Variants in KIAA1217 observed in about 807,000 individuals in gnomAD.
The protein encoded by KIAA1217 is sickle tail protein homolog.
KIAA1217 carries 88 observed loss-of-function variants against 163.9 expected under a neutral mutation model. The ratio of observed to expected loss-of-function variants is 0.54; its 90% CI spans 0.45 to 0.64. The LOEUF (loss-of-function observed/expected upper bound fraction) is 0.64, where lower values mean the gene tolerates loss of function less well. Among genes scored for constraint, KIAA1217 ranks in the 30% least tolerant of loss-of-function variants. The probability of loss-of-function intolerance (pLI) is 0.00; values close to 1 mark genes in which losing one functional copy is unlikely to be tolerated. For missense variants in KIAA1217, 2,372 were observed against 2,475.0 expected (o/e 0.96, Z 0.88); for synonymous variants, 903 against 923.1 (o/e 0.98, Z 0.39).
intron 2 of KIAA1217, among the ~76,000 whole-genome samples, chr10:24,088,243 T>TA (rs2061774343): frequency 1.1e-5 from 1 of 93,252 alleles, no homozygotes; most frequent in African/African-American, 4.8e-5. Flanking sequence ...CCAGGCTCTG[T>TA]TTTTTTAATA....
intron 1 of KIAA1217, among the ~76,000 whole-genome samples, chr10:23,826,942 T>C (rs2131028959): frequency 6.6e-6 from 1 of 152,280 alleles, no homozygotes; most frequent in Non-Finnish European, 1.5e-5. Context: ...TTTACTGCCC[T>C]TTTATGTAGA....
intron 3 of KIAA1217, among the ~76,000 whole-genome samples, chr10:24,423,727 G>A (rs2058947634): frequency 6.6e-6 from 1 of 152,100 alleles, no homozygotes; most frequent in African/African-American, 2.4e-5. Context: ...GTAGAAATAG[G>A]GTTTCACCGT....
At chr10:23,903,887 A>G (rs997601898) in intron 1 of KIAA1217, among the ~76,000 whole-genome samples, 1 of 152,148 alleles carries the variant, frequency 6.6e-6, no homozygotes, top group South Asian at 2.1e-4. Flanking sequence ...GATTTCATAC[A>G]ATGTCAGCCA....
intron 2 of KIAA1217, among the ~76,000 whole-genome samples, chr10:24,280,715 C>A (rs2132200500): frequency 6.7e-6 from 1 of 150,146 alleles, no homozygotes; most frequent in Non-Finnish European, 1.5e-5. Flanking sequence ...GAGGCTGAAG[C>A]AGGAGAATGC....
intron 1 of KIAA1217, among the ~76,000 whole-genome samples, chr10:23,913,682 C>T (rs546811780): frequency 6.6e-5 from 10 of 152,124 alleles, no homozygotes; most frequent in Non-Finnish European, 1.2e-4. Flanking sequence ...ATAGCACTGT[C>T]CCTCTCGATT....
At chr10:24,236,990 G>T (rs369068111) in intron 2 of KIAA1217, among the ~76,000 whole-genome samples, 1 of 152,120 alleles carries the variant, frequency 6.6e-6, no homozygotes, top group Non-Finnish European at 1.5e-5. Context: ...TTGTTGAAGC[G>T]AATTCAAGAC....
At chr10:24,489,538 CAA>C (rs745874004) in intron 6 of KIAA1217, among the ~76,000 whole-genome samples, 1 of 133,278 alleles carries the variant, frequency 7.5e-6, no homozygotes. Context: ...AGTCTCTAGT[CAA>C]AAAAAAAAAA....
intron 2 of KIAA1217, among the ~76,000 whole-genome samples, chr10:24,295,462 C>T (rs2040478116): frequency 6.6e-6 from 1 of 152,166 alleles, no homozygotes; most frequent in South Asian, 2.1e-4. Flanking sequence ...TGGACTATTT[C>T]AGGAGCCCCT....
intron 1 of KIAA1217, among the ~76,000 whole-genome samples, chr10:23,920,154 T>TTTTG (rs1278493770): frequency 1.3e-5 from 2 of 152,166 alleles, no homozygotes; most frequent in African/African-American, 4.8e-5. Flanking sequence ...ATTTAGGTTT[T>TTTTG]TTTGTTTGTT....
intron 5 of KIAA1217, among the ~76,000 whole-genome samples, chr10:24,462,955 A>G (rs1185567811): frequency 1.3e-5 from 2 of 152,240 alleles, no homozygotes; most frequent in Non-Finnish European, 2.9e-5. Context: ...GGAGCTGTGC[A>G]TAAAAGAACA....
chr10:23,983,159 G>A (rs1223664582), intron 1 of KIAA1217, among the ~76,000 whole-genome samples: 2 of 151,962 alleles, frequency 1.3e-5, no homozygotes, highest in African/African-American at 2.4e-5. Flanking sequence ...TTCTTCTGTT[G>A]GTTAAAGTAC....
At chr10:24,405,339 A>G (rs890150220) in intron 3 of KIAA1217, among the ~76,000 whole-genome samples, 1 of 152,232 alleles carries the variant, frequency 6.6e-6, no homozygotes. Flanking sequence ...TAAGAAGGAT[A>G]ATAAACCTAG....
At chr10:23,731,580 G>A (rs1588680823) in intron 1 of KIAA1217, among the ~76,000 whole-genome samples, 1 of 152,204 alleles carries the variant, frequency 6.6e-6, no homozygotes, top group East Asian at 1.9e-4. Flanking sequence ...AGGGAAGAAA[G>A]CCTAAGCCCG....
At chr10:23,842,272 A>G (rs1253043115) in intron 1 of KIAA1217, among the ~76,000 whole-genome samples, 1 of 152,192 alleles carries the variant, frequency 6.6e-6, no homozygotes, top group Non-Finnish European at 1.5e-5. Context: ...TGGTTCTGCC[A>G]AAAACTCCTA....
chr10:23,873,878 C>A (rs562657145), intron 1 of KIAA1217, among the ~76,000 whole-genome samples: 7 of 152,000 alleles, frequency 4.6e-5, no homozygotes, highest in Non-Finnish European at 8.8e-5. Flanking sequence ...TATGGACCAA[C>A]AAAGCCCAAT....
At chr10:23,725,305 G>C (rs1357260565) in intron 1 of KIAA1217, among the ~76,000 whole-genome samples, 4 of 152,186 alleles carry the variant, frequency 2.6e-5, no homozygotes, top group African/African-American at 9.7e-5. Flanking sequence ...TGGTCTGTGA[G>C]AAAAGTTTAA....
chr10:24,310,846 A>T (rs192029856), intron 2 of KIAA1217, among the ~76,000 whole-genome samples: 24 of 152,212 alleles, frequency 1.6e-4, no homozygotes, highest in Non-Finnish European at 3.2e-4. Flanking sequence ...AAAATGCAAC[A>T]ATTAGCCAAG....
At chr10:24,113,832 A>G (rs1175568263) in intron 2 of KIAA1217, among the ~76,000 whole-genome samples, 1 of 152,232 alleles carries the variant, frequency 6.6e-6, no homozygotes, top group Non-Finnish European at 1.5e-5. Context: ...TGATAGCAGA[A>G]CCGTTAGCAG....
intron 1 of KIAA1217, among the ~76,000 whole-genome samples, chr10:23,757,443 AG>A (rs1459584649): frequency 6.6e-6 from 1 of 152,044 alleles, no homozygotes; most frequent in Non-Finnish European, 1.5e-5. Flanking sequence ...TATGGGTGTG[AG>A]GGGGTGTCTC....
Sources: gnomAD v4.1 joint callset for allele counts (sites outside exome capture counted in the v4.1 genomes callset) on GRCh38, gnomAD v4.1.1 for gene constraint, MANE v1.5 for transcripts, NCBI Gene and HGNC (gene_info 2026-07-23, HGNC 2026-07-21) for gene names.